Variants in CACNA1C observed in about 807,000 individuals in gnomAD.
CACNA1C encodes the protein calcium voltage-gated channel subunit alpha1 C, also known as voltage-dependent L-type calcium channel subunit alpha-1C.
CACNA1C carries 30 observed loss-of-function variants against 229.0 expected under a neutral mutation model. The observed-to-expected ratio is 0.13, with a 90% CI of 0.10 to 0.18. The LOEUF is 0.18. CACNA1C is among the 10% of genes least tolerant of loss of function. The probability of loss-of-function intolerance (pLI) is 1.00; values close to 1 mark genes in which losing one functional copy is unlikely to be tolerated. For synonymous variants in CACNA1C, 1,114 were observed against 1,132.5 expected (o/e 0.98, Z 0.33); for missense variants, 1,658 against 2,845.0 (o/e 0.58, Z 9.49).
chr12:2,482,234 C>G (rs2099678750), intron 5 of CACNA1C, among the ~76,000 whole-genome samples: 1 of 152,240 alleles, frequency 6.6e-6, no homozygotes, highest in South Asian at 2.1e-4. Context: ...TCTGGGCTCT[C>G]CTGGAAGCAG....
At chr12:2,456,921 CTT>C (rs1242615606) in intron 4 of CACNA1C, among the ~76,000 whole-genome samples, 2 of 152,248 alleles carry the variant, frequency 1.3e-5, no homozygotes, top group Non-Finnish European at 2.9e-5. Flanking sequence ...CGCAGGTGTT[CTT>C]GTTTGTTGGA....
chr12:2,139,743 A>C (rs1050760110), intron 3 of CACNA1C, among the ~76,000 whole-genome samples: 3 of 151,132 alleles, frequency 2.0e-5, no homozygotes, highest in Non-Finnish European at 3.0e-5. Context: ...CTTAGCACCA[A>C]TGCCTCCTCA....
intron 1 of CACNA1C, among the ~76,000 whole-genome samples, chr12:2,022,565 T>A (rs1434311867): frequency 6.6e-6 from 1 of 151,298 alleles, no homozygotes; most frequent in Non-Finnish European, 1.5e-5. Context: ...TGCCTCAGCC[T>A]CCTGAGTAGC....
intron 3 of CACNA1C, among the ~76,000 whole-genome samples, chr12:2,277,358 G>GACACACACAC (rs2088999806): frequency 2.4e-5 from 2 of 83,016 alleles, no homozygotes; most frequent in African/African-American, 1.0e-4. Context: ...CAGACAGACA[G>GACACACACAC]ACAGACACAC....
chr12:2,125,638 C>G (rs2089700045), intron 3 of CACNA1C, among the ~76,000 whole-genome samples: 1 of 152,158 alleles, frequency 6.6e-6, no homozygotes. Context: ...TTCCCAGGCC[C>G]TGCTCCCAGA....
At chr12:2,173,732 A>G (rs987676016) in intron 3 of CACNA1C, among the ~76,000 whole-genome samples, 5 of 151,996 alleles carry the variant, frequency 3.3e-5, no homozygotes, top group African/African-American at 1.2e-4. Flanking sequence ...TGCCACCACC[A>G]CTAGGCTTGC....
At chr12:2,556,863 G>A in intron 10 of CACNA1C, 88 bp from the exon 11 acceptor site, 2 of 1,069,704 alleles carry the variant, frequency 1.9e-6, no homozygotes, top group African/African-American at 1.5e-5. Context: ...ATTACCTGGG[G>A]AACATCAAAT....
chr12:2,433,400 A>T (rs1465893657), intron 3 of CACNA1C, among the ~76,000 whole-genome samples: 1 of 152,108 alleles, frequency 6.6e-6, no homozygotes, highest in Non-Finnish European at 1.5e-5. Flanking sequence ...AGACAATAGA[A>T]GCCCTGCAGT....
chr12:2,682,877 CACCA>C (rs1284831931), intron 43 of CACNA1C, among the ~76,000 whole-genome samples, 199 bp downstream of exon 43: 10 of 62,326 alleles, frequency 1.6e-4, no homozygotes, highest in South Asian at 9.8e-4. Context: ...AACACACACA[CACCA>C]CACACACACA....
chr12:2,085,440 C>T (rs1449719537), intron 1 of CACNA1C, among the ~76,000 whole-genome samples: 2 of 152,140 alleles, frequency 1.3e-5, no homozygotes, highest in Non-Finnish European at 2.9e-5. Context: ...ATCTCCACGT[C>T]CTCTGAAACC....
At chr12:2,261,744 A>AAC (rs141539866) in intron 3 of CACNA1C, among the ~76,000 whole-genome samples, 242 of 151,554 alleles carry the variant, frequency 1.6e-3, no homozygotes, top group Middle Eastern at 6.8e-3. Flanking sequence ...GTCCTTGTGC[A>AAC]ACACACACAC....
chr12:2,448,317 G>C (rs1012091063), intron 3 of CACNA1C, among the ~76,000 whole-genome samples: 3 of 152,218 alleles, frequency 2.0e-5, no homozygotes, highest in African/African-American at 7.2e-5. Flanking sequence ...TCCGCAAAGT[G>C]CTGATTTTCT....
chr12:1,973,882 A>AG (rs1244810710), intron 1 of CACNA1C, among the ~76,000 whole-genome samples: 2 of 152,228 alleles, frequency 1.3e-5, no homozygotes, highest in African/African-American at 2.4e-5. Flanking sequence ...AATATCATGC[A>AG]GGGAGTCCCT....
At chr12:2,593,740 T>C (rs553697077) in intron 19 of CACNA1C, among the ~76,000 whole-genome samples, 3 of 152,380 alleles carry the variant, frequency 2.0e-5, no homozygotes, top group African/African-American at 7.2e-5. Flanking sequence ...GTCCAACTTT[T>C]ATTTTTAATC....
intron 3 of CACNA1C, among the ~76,000 whole-genome samples, chr12:2,421,541 C>G (rs1322366720): frequency 1.3e-5 from 2 of 152,204 alleles, no homozygotes; most frequent in Admixed American, 6.5e-5. Context: ...CAGTTTAATT[C>G]TATCTCACTA....
chr12:2,485,579 A>T (rs902943159), intron 5 of CACNA1C, among the ~76,000 whole-genome samples: 12 of 152,224 alleles, frequency 7.9e-5, no homozygotes, highest in African/African-American at 2.7e-4. Context: ...GAACATAACA[A>T]AATTGATCAT....
intron 34 of CACNA1C, among the ~76,000 whole-genome samples, chr12:2,659,289 GTGTTTAGATA>G (rs1297382781): frequency 2.0e-5 from 3 of 152,220 alleles, no homozygotes; most frequent in East Asian, 3.9e-4. Flanking sequence ...TTCCTTTTCA[GTGTTTAGATA>G]TGTTTAGATA....
chr12:2,109,897 C>A (rs73603754), intron 1 of CACNA1C, among the ~76,000 whole-genome samples: 1 of 152,300 alleles, frequency 6.6e-6, no homozygotes, highest in Non-Finnish European at 1.5e-5. Context: ...TTAGGGGTGG[C>A]TGGACTGACT....
At chr12:2,517,045 G>A (rs2099798398) in intron 9 of CACNA1C, among the ~76,000 whole-genome samples, 2 of 152,210 alleles carry the variant, frequency 1.3e-5, no homozygotes, top group Admixed American at 1.3e-4. Flanking sequence ...AGAGACAGGA[G>A]GGAATGCAAA....
Sources: allele counts gnomAD v4.1 joint callset (sites outside exome capture counted in the v4.1 genomes callset), GRCh38; gene constraint gnomAD v4.1.1; transcripts MANE v1.5; gene names NCBI Gene and HGNC (gene_info 2026-07-23, HGNC 2026-07-21).